The following ROS1 variants were observed in gnomAD, a reference collection of about 807,000 sequenced individuals.
The protein encoded by ROS1 is proto-oncogene tyrosine-protein kinase ROS.
Under a neutral mutation model 273.5 loss-of-function variants are expected in ROS1, and 263 were observed. The observed-to-expected ratio is 0.96, with a 90% CI of 0.87 to 1.06. ROS1 has a LOEUF of 1.06. Among genes scored for constraint, ROS1 ranks in the 50% least tolerant of loss-of-function variants. ROS1 has a pLI of 0.00. For synonymous variants in ROS1, 1,008 were observed against 954.1 expected, an observed-to-expected ratio of 1.06 and a Z score of -1.04; for missense variants, 2,833 against 2,751.1, an observed-to-expected ratio of 1.03 and a Z score of -0.67.
At chr6:117,349,862 A>C (rs990958363) in intron 27 of ROS1, among the ~76,000 whole-genome samples, 1 of 151,986 alleles carries the variant, frequency 6.6e-6, no homozygotes, top group Non-Finnish European at 1.5e-5. Flanking sequence ...ATAATAACAA[A>C]ATACTCCCAA....
chr6:117,326,101 A>G, intron 34 of ROS1, 123 bp downstream of exon 34: 1 of 182,968 alleles, frequency 5.5e-6, no homozygotes, highest in Non-Finnish European at 1.0e-5. Flanking sequence ...TTATATATAT[A>G]TATATATATA....
In ROS1 at chr6:117,425,888, TTCC is replaced by T; in HGVS notation, c.-235_-233del. 1 of 433,688 alleles carries T rather than the reference TTCC, an allele frequency of 2.3e-6. No individual in the cohort carries two copies. The highest frequency in any genetic ancestry group is 4.1e-6 in the Non-Finnish European group (1 of 244,046). The allele number at this position is 433,688 out of a possible 1,614,324, so 26.9% of individuals were successfully genotyped here. ...TCCATAAGAGCTATTTCATAACAGC[TTCC>T]TTTTACTCCCATAAAGTCACCCAGT... is the stretch of plus-strand genomic sequence containing the variant. On this transcript the variant is annotated 5_prime_UTR_variant, in exon 1 of 44. Coordinates refer to ENST00000368507, the MANE Select transcript of ROS1 (RefSeq NM_001378902.1).
At chr6:117,299,865 C>T (rs1368031094) in intron 43 of ROS1, among the ~76,000 whole-genome samples, 1 of 151,368 alleles carries the variant, frequency 6.6e-6, no homozygotes, top group Non-Finnish European at 1.5e-5. Flanking sequence ...AGTCTCTTTA[C>T]ATTTAAGTAA....
At position 117,344,228 on chromosome 6, in the gene ROS1, C is replaced by T. The variant is rs1778187870; in HGVS notation, c.4338G>A (p.Val1446=). 1 of 1,613,760 alleles carries T rather than the reference C, an allele frequency of 6.2e-7. No individual in the cohort carries two copies. Among genetic ancestry groups the T allele is most frequent in the Admixed American group, 1.7e-5 (1 of 59,956 alleles). The change falls in exon 28 of 44, where the codon GTG becomes GTA. Residue 1446 remains valine, a synonymous_variant. Transcript: ENST00000368507. The stretch of plus-strand genomic sequence containing the variant: ...TAGTGGCATTAAGTATAGTTGGTTC[C>T]ACAGTGTCTGAAGCTAGAGACAGAA... ...KAFLSLASDT[V]EPTILNATNT...
intron 43 of ROS1, among the ~76,000 whole-genome samples, chr6:117,290,931 C>T (rs1295958520): frequency 6.6e-6 from 1 of 152,086 alleles, no homozygotes; most frequent in African/African-American, 2.4e-5. Context: ...CTAAATATGC[C>T]CACCAGTCTG....
chr6:117,321,154 G>A (rs1239340787), intron 36 of ROS1, 105 bp downstream of exon 36: 5 of 1,207,258 alleles, frequency 4.1e-6, no homozygotes, highest in Non-Finnish European at 5.6e-6. Flanking sequence ...AGAAAAACTG[G>A]TATAAACCAT....
At chr6:117,393,702 A>T (rs1773256797) in intron 11 of ROS1, among the ~76,000 whole-genome samples, 1 of 152,184 alleles carries the variant, frequency 6.6e-6, no homozygotes, top group African/African-American at 2.4e-5. Context: ...CATCAGCTCA[A>T]AATAGTCCTT....
At chr6:117,416,740 G>A (rs1424999582) in intron 2 of ROS1, among the ~76,000 whole-genome samples, 1 of 152,146 alleles carries the variant, frequency 6.6e-6, no homozygotes, top group Non-Finnish European at 1.5e-5. Context: ...ATGGTAGCAT[G>A]TCAAACCTAA....
Position 117,317,125 on chromosome 6 carries a change from T to C in ROS1, c.6117+18A>G, listed in dbSNP as rs372544471. ...CATTTGCATTATGAAACCAATATTATGGATCCCAACTGCCTACCGTTGCCA... is the reference window on the plus strand; with the variant it reads ...CATTTGCATTATGAAACCAATATTACGGATCCCAACTGCCTACCGTTGCCA... On this transcript the variant is annotated intron_variant, in intron 39 of 43. Coordinates refer to ENST00000368507, the MANE Select transcript of ROS1 (RefSeq NM_001378902.1). The C allele has an allele frequency of 6.2e-7, 1 of 1,604,512 alleles. No individual in the cohort carries two copies. The highest frequency in any genetic ancestry group is 1.3e-5 in the African/African-American group (1 of 74,380).
In ROS1 at chr6:117,394,172, A is replaced by G. The variant is rs565037039; in HGVS notation, c.1181T>C (p.Met394Thr). 1.4e-4 allele frequency: 221 copies of G among 1,587,290 alleles called. 2 individuals are homozygous for G. The South Asian group carries it at 2.3e-3, about 17-fold the overall frequency. The change falls in exon 11 of 44, where the codon ATG becomes ACG. Residue 394 changes from methionine (M) to threonine (T), a missense_variant. Transcript: ENST00000368507. ...DWLYQRMYFI[M>T]DELVCVCDLE... The stretch of plus-strand genomic sequence containing the variant: ...ACTTCTCGGACTAACCAGTTCATCC[A>G]TGATGAAATACATTCTTTGATAAAG...
intron 1 of ROS1, among the ~76,000 whole-genome samples, chr6:117,423,239 C>A (rs764910983): frequency 1.3e-5 from 2 of 152,106 alleles, no homozygotes; most frequent in Non-Finnish European, 2.9e-5. Flanking sequence ...GCACCAAAAT[C>A]TCACAGATCA....
At chr6:117,307,315 C>T (rs1380061879) in intron 42 of ROS1, among the ~76,000 whole-genome samples, 2 of 152,066 alleles carry the variant, frequency 1.3e-5, no homozygotes, top group Non-Finnish European at 2.9e-5. Context: ...GCACGTTAAC[C>T]CTTGGGGAGA....
intron 31 of ROS1, among the ~76,000 whole-genome samples, chr6:117,339,364 AGATAAG>A (rs1449644642): frequency 6.6e-6 from 1 of 152,160 alleles, no homozygotes; most frequent in Non-Finnish European, 1.5e-5. Context: ...CTCATTTTTC[AGATAAG>A]GAAATTTTGA....
intron 5 of ROS1, among the ~76,000 whole-genome samples, chr6:117,408,564 A>G (rs955780203): frequency 7.9e-5 from 12 of 152,332 alleles, no homozygotes; most frequent in African/African-American, 1.7e-4. Context: ...TCAGGACACA[A>G]CAGGTGCTGG....
At position 117,317,207 on chromosome 6, in the gene ROS1, ATG is replaced by A. The variant is rs1429816663; in HGVS notation, c.6051_6052del (p.Ile2018TyrfsTer16). ...TCCTCCCTCCATCAGTTCCAGGATA[ATG>A]TATTGGGGTTCATTCAGCAGACAAA... On this transcript the variant is annotated frameshift_variant, in exon 39 of 44. Coordinates refer to ENST00000368507, the MANE Select transcript of ROS1 (RefSeq NM_001378902.1). LOFTEE classifies it high-confidence loss of function. 6.2e-7 allele frequency: 1 copy of A among 1,613,418 alleles called. No homozygotes were observed. Among genetic ancestry groups the A allele is most frequent in the South Asian group, 1.1e-5 (1 of 91,014 alleles).
intron 33 of ROS1, among the ~76,000 whole-genome samples, chr6:117,327,177 C>T (rs528633): frequency 0.095 from 14,402 of 152,182 alleles, 874 homozygotes; most frequent in Middle Eastern, 0.14. Context: ...TGGTTCTATT[C>T]CTGCTAATTG....
At chr6:117,377,653 A>G (rs867829180) in intron 18 of ROS1, among the ~76,000 whole-genome samples, 14 of 152,360 alleles carry the variant, frequency 9.2e-5, no homozygotes, top group African/African-American at 3.1e-4. Flanking sequence ...GGATAGGCTA[A>G]GATTTCTTGT....
At chr6:117,360,439 G>C (rs768852936) in intron 22 of ROS1, 34 bp from the exon 23 acceptor site, 3 of 1,469,122 alleles carry the variant, frequency 2.0e-6, no homozygotes, top group Admixed American at 3.5e-5. Flanking sequence ...GCATTCAGTA[G>C]TGTTCTCCGT....
In ROS1 at chr6:117,397,023, G is replaced by A. The variant is rs771923036; in HGVS notation, c.698C>T (p.Pro233Leu). The A allele has an allele frequency of 6.2e-7, 1 of 1,613,648 alleles. No individual in the cohort carries two copies. The highest frequency in any genetic ancestry group is 8.5e-7 in the Non-Finnish European group (1 of 1,179,630). ...SWDPPQFPGG[P>L]ILGYNLRLIS... ...CAGCCTTAAGTTATAACCCAAAATA[G>A]GTCCACCTGGGAATTGAGGTGGATC... is the stretch of plus-strand genomic sequence containing the variant. The change falls in exon 8 of 44, where the codon CCT (proline) becomes CTT (leucine). Residue 233 changes from proline to leucine, a missense_variant. Coordinates refer to ENST00000368507, the MANE Select transcript of ROS1 (RefSeq NM_001378902.1).
Sources: allele counts gnomAD v4.1 joint callset (sites outside exome capture counted in the v4.1 genomes callset), GRCh38; gene constraint gnomAD v4.1.1; transcripts MANE v1.5; gene names NCBI Gene and HGNC (gene_info 2026-07-23, HGNC 2026-07-21).